The following CCDC178 variants were observed in gnomAD, a reference collection of about 807,000 sequenced individuals.
The protein encoded by CCDC178 is coiled-coil domain containing 178, also known as coiled-coil domain-containing protein 178.
A neutral mutation model predicts 117.4 loss-of-function variants in CCDC178; 126 were observed. That is an observed-to-expected ratio of 1.07 (90% CI 0.93 to 1.24). The LOEUF is 1.24. CCDC178 is among the 50% of genes most tolerant of loss of function. The pLI is 0.00. For missense variants in CCDC178, 1,030 were observed against 986.9 expected, an observed-to-expected ratio of 1.04 and a Z score of -0.59; for synonymous variants, 283 against 313.4, an observed-to-expected ratio of 0.90 and a Z score of 1.02.
Position 33,149,809 on chromosome 18 carries a change from G to A in CCDC178, c.2239-56899C>T, listed in dbSNP as rs186134554. Among the ~76,000 whole-genome samples, 43 of 152,108 alleles carry A rather than the reference G, an allele frequency of 2.8e-4. 1 individual carries two copies. In the East Asian group the frequency reaches 3.7e-3, roughly 13 times the overall value. On this transcript the variant is annotated intron_variant, in intron 20 of 22. Coordinates refer to ENST00000383096, the MANE Select transcript of CCDC178 (RefSeq NM_001105528.4). ...GAACATTCTCACAATAACATGGCTC[G>A]CTCTCATTAAACATTCTACAGTGAA...
intron 20 of CCDC178, among the ~76,000 whole-genome samples, chr18:33,108,299 C>A (rs1178218327): frequency 6.9e-6 from 1 of 144,190 alleles, no homozygotes; most frequent in Admixed American, 6.8e-5. Flanking sequence ...ATATGTTTTT[C>A]AAATCTATTA....
intron 14 of CCDC178, among the ~76,000 whole-genome samples, chr18:33,255,283 T>C (rs1346373538): frequency 6.6e-6 from 1 of 152,046 alleles, no homozygotes; most frequent in Non-Finnish European, 1.5e-5. Context: ...TCTGTTATAG[T>C]AACACAAAAC....
At chr18:33,203,080 GATATTAGC>G (rs1158995808) in intron 20 of CCDC178, among the ~76,000 whole-genome samples, 1 of 152,078 alleles carries the variant, frequency 6.6e-6, no homozygotes, top group Non-Finnish European at 1.5e-5. Context: ...TGTAACTCTG[GATATTAGC>G]ATAATTTCCT....
Position 33,001,089 on chromosome 18 carries a change from A to AT in CCDC178, c.2389-26409dup, listed in dbSNP as rs1019467369. ...GGTGGGGTAAATAAATTAAAGTGGA[A>AT]TTTTTATTAGTTTTCTCTTTGCTTA... is the stretch of plus-strand genomic sequence containing the variant. On this transcript the variant is annotated intron_variant, in intron 21 of 22. Transcript: ENST00000383096. 6.0e-4 allele frequency among the ~76,000 whole-genome samples: 92 copies of AT among 152,330 alleles called. 1 individual carries two copies. Among genetic ancestry groups the AT allele is most frequent in the African/African-American group, 2.1e-3 (87 of 41,588 alleles).
intron 20 of CCDC178, among the ~76,000 whole-genome samples, chr18:33,103,831 A>G (rs1441508355): frequency 6.6e-6 from 1 of 151,808 alleles, no homozygotes; most frequent in African/African-American, 2.4e-5. Context: ...TGCTGAGCTA[A>G]GCTAAAGTTT....
intron 20 of CCDC178, among the ~76,000 whole-genome samples, chr18:33,163,408 T>C (rs1296756445): frequency 6.6e-6 from 1 of 152,186 alleles, no homozygotes; most frequent in Non-Finnish European, 1.5e-5. Context: ...AGATGCTTTT[T>C]ACTATTTCTA....
rs2056658219 is a variant in CCDC178, at chr18:33,047,105, C to A, written c.2388+45656G>T. Among the ~76,000 whole-genome samples, 6 of 152,258 alleles carry A rather than the reference C, an allele frequency of 3.9e-5. No individual in the cohort carries two copies. The South Asian group carries it at 1.2e-3, about 32-fold the overall frequency. ...GGGCGTTGCATAATGGTACACACAA[C>A]TGTCTCCTGTGTTTATGCTACTTTA... On this transcript the variant is annotated intron_variant, in intron 21 of 22. Transcript: ENST00000383096.
chr18:33,080,477 T>A (rs1203167973), intron 21 of CCDC178, among the ~76,000 whole-genome samples: 2 of 152,054 alleles, frequency 1.3e-5, no homozygotes, highest in African/African-American at 4.8e-5. Flanking sequence ...GAAGACATTG[T>A]ATTGACACAG....
chr18:33,090,002 C>T (rs969626475), intron 21 of CCDC178, among the ~76,000 whole-genome samples: 57 of 152,182 alleles, frequency 3.7e-4, no homozygotes, highest in Non-Finnish European at 5.4e-4. Context: ...TTGCTTTTGC[C>T]TCTTTCTGAT....
At chr18:33,428,772 T>C (rs1412092562) in intron 2 of CCDC178, among the ~76,000 whole-genome samples, 1 of 133,588 alleles carries the variant, frequency 7.5e-6, no homozygotes, top group Non-Finnish European at 1.6e-5. Flanking sequence ...AAAAAAAGAA[T>C]TAGGGAGTGG....
chr18:33,131,722 G>A (rs1183886051), intron 20 of CCDC178, among the ~76,000 whole-genome samples: 1 of 151,486 alleles, frequency 6.6e-6, no homozygotes, highest in Non-Finnish European at 1.5e-5. Flanking sequence ...TAAACTTCTG[G>A]CATTACTTAA....
intron 21 of CCDC178, among the ~76,000 whole-genome samples, chr18:32,992,241 T>C (rs2055409907): frequency 6.6e-6 from 1 of 152,234 alleles, no homozygotes; most frequent in Admixed American, 6.5e-5. Flanking sequence ...TTCTGCTCAT[T>C]ACATGATATG....
At chr18:33,060,725 T>C (rs964401235) in intron 21 of CCDC178, among the ~76,000 whole-genome samples, 1 of 152,032 alleles carries the variant, frequency 6.6e-6, no homozygotes, top group South Asian at 2.1e-4. Context: ...TCATTCGAAG[T>C]CTCTTTGAGA....
chr18:32,964,882 A>G (rs1157829848), intron 22 of CCDC178, among the ~76,000 whole-genome samples: 1 of 152,008 alleles, frequency 6.6e-6, no homozygotes, highest in Non-Finnish European at 1.5e-5. Context: ...AATGTATTTC[A>G]GCATCTTTCC....
At chr18:33,350,370 A>C (rs1184520361) in intron 7 of CCDC178, among the ~76,000 whole-genome samples, 1 of 152,120 alleles carries the variant, frequency 6.6e-6, no homozygotes, top group Non-Finnish European at 1.5e-5. Flanking sequence ...TACAACTATC[A>C]TCCCATCTCA....
At chr18:33,425,058 T>C (rs1029682685) in intron 2 of CCDC178, among the ~76,000 whole-genome samples, 1 of 152,206 alleles carries the variant, frequency 6.6e-6, no homozygotes, top group Non-Finnish European at 1.5e-5. Context: ...CATATATACG[T>C]ATGTAACAAA....
chr18:33,315,673 A>G (rs2062405332), intron 11 of CCDC178, among the ~76,000 whole-genome samples: 1 of 152,136 alleles, frequency 6.6e-6, no homozygotes, highest in Non-Finnish European at 1.5e-5. Context: ...TTCGAACCAG[A>G]GTGACTCCAT....
chr18:32,987,073 G>T (rs945197107), intron 21 of CCDC178, among the ~76,000 whole-genome samples: 1 of 151,574 alleles, frequency 6.6e-6, no homozygotes, highest in Admixed American at 6.6e-5. Flanking sequence ...AACTAAAAAG[G>T]CAGGTAGAGA....
chr18:33,273,116 C>T (rs2059909109), intron 12 of CCDC178, among the ~76,000 whole-genome samples: 1 of 150,948 alleles, frequency 6.6e-6, no homozygotes, highest in South Asian at 2.1e-4. Context: ...TCTGTATTTG[C>T]AGATAAAAGG....
Sources: gnomAD v4.1 joint callset for allele counts (sites outside exome capture counted in the v4.1 genomes callset) on GRCh38, gnomAD v4.1.1 for gene constraint, MANE v1.5 for transcripts, NCBI Gene and HGNC (gene_info 2026-07-23, HGNC 2026-07-21) for gene names.